Variants in PLCL1 observed in about 807,000 individuals in gnomAD.
PLCL1 encodes the protein phospholipase C like 1 (inactive), also known as inactive phospholipase C-like protein 1.
A neutral mutation model predicts 84.4 loss-of-function variants in PLCL1; 41 were observed. The observed-to-expected ratio is 0.49, with a 90% CI of 0.38 to 0.63. The LOEUF (loss-of-function observed/expected upper bound fraction) is 0.63. PLCL1 is among the 30% of genes least tolerant of loss of function. The probability of loss-of-function intolerance (pLI) is 0.00; values close to 1 mark genes in which losing one functional copy is unlikely to be tolerated. For missense variants in PLCL1, 1,206 were observed against 1,367.8 expected, an observed-to-expected ratio of 0.88 and a Z score of 1.87; for synonymous variants, 490 against 488.3, an observed-to-expected ratio of 1.00 and a Z score of -0.05.
intron 1 of PLCL1, among the ~76,000 whole-genome samples, chr2:197,844,659 T>C (rs1160719014): frequency 6.6e-6 from 1 of 152,140 alleles, no homozygotes; most frequent in Non-Finnish European, 1.5e-5. Context: ...GGATTTCTAA[T>C]ATGAGCTCTA....
intron 1 of PLCL1, among the ~76,000 whole-genome samples, chr2:198,074,819 T>G (rs1234504964): frequency 6.6e-6 from 1 of 152,238 alleles, no homozygotes; most frequent in African/African-American, 2.4e-5. Context: ...TCAGATAAAG[T>G]ATTTTAAGTA....
At chr2:197,890,287 A>C (rs1226329515) in intron 1 of PLCL1, among the ~76,000 whole-genome samples, 3 of 152,294 alleles carry the variant, frequency 2.0e-5, no homozygotes, top group African/African-American at 7.2e-5. Flanking sequence ...AAGGCTATTT[A>C]AATATTCGTA....
intron 1 of PLCL1, among the ~76,000 whole-genome samples, chr2:197,854,284 C>A (rs1687292760): frequency 1.3e-5 from 2 of 152,152 alleles, no homozygotes; most frequent in South Asian, 4.1e-4. Context: ...ATTAACTCTA[C>A]CTTTTCCCAA....
At chr2:198,088,388 T>C (rs1194267786) in intron 2 of PLCL1, among the ~76,000 whole-genome samples, 1 of 152,214 alleles carries the variant, frequency 6.6e-6, no homozygotes, top group Admixed American at 6.5e-5. Flanking sequence ...TGGACAAATG[T>C]AGCTCTACAT....
chr2:197,888,082 A>G (rs1687953346), intron 1 of PLCL1, among the ~76,000 whole-genome samples: 1 of 151,360 alleles, frequency 6.6e-6, no homozygotes, highest in Non-Finnish European at 1.5e-5. Flanking sequence ...ACAGTGAGAC[A>G]CTGTCTGAAA....
chr2:197,957,046 C>A (rs888484424), intron 1 of PLCL1, among the ~76,000 whole-genome samples: 1 of 152,010 alleles, frequency 6.6e-6, no homozygotes, highest in East Asian at 1.9e-4. Flanking sequence ...CCTTCATAGG[C>A]ATTTGCTTGT....
intron 1 of PLCL1, among the ~76,000 whole-genome samples, chr2:197,987,556 T>A (rs1371987930): frequency 6.6e-6 from 1 of 152,200 alleles, no homozygotes; most frequent in African/African-American, 2.4e-5. Flanking sequence ...TAGACTAGGA[T>A]ACTCATTTTG....
intron 1 of PLCL1, among the ~76,000 whole-genome samples, chr2:197,918,011 G>A: frequency 6.6e-6 from 1 of 152,154 alleles, no homozygotes; most frequent in East Asian, 1.9e-4. Flanking sequence ...GGAAAGGTGG[G>A]TTAAAGTAAC....
chr2:197,886,449 A>C (rs1180617719), intron 1 of PLCL1, among the ~76,000 whole-genome samples: 1 of 146,298 alleles, frequency 6.8e-6, no homozygotes, highest in Non-Finnish European at 1.5e-5. Flanking sequence ...AAAAAAAAAA[A>C]AAAGTAAAAT....
intron 1 of PLCL1, among the ~76,000 whole-genome samples, chr2:197,980,214 G>T (rs1359863187): frequency 6.6e-6 from 1 of 152,168 alleles, no homozygotes; most frequent in Non-Finnish European, 1.5e-5. Context: ...AGGAGCAGGC[G>T]AGGTGGGAAG....
chr2:198,146,725 G>A lies in PLCL1; in HGVS notation c.3106-55G>A, dbSNP rs1694525426. 6 of 1,456,016 alleles carry A rather than the reference G, an allele frequency of 4.1e-6. No individual in the cohort carries two copies. The Admixed American group carries it at 9.0e-5, about 22-fold the overall frequency. 90.2% of individuals were successfully genotyped at this position (1,456,016 alleles called of 1,614,324 possible). ...TAAGAACATAGAGTGATGTCACTCA[G>A]CACATGCCTGGCCCATAACTGTCTT... is the stretch of plus-strand genomic sequence containing the variant. On this transcript the variant is annotated intron_variant, in intron 5 of 5. Transcript: ENST00000428675.
intron 1 of PLCL1, among the ~76,000 whole-genome samples, chr2:197,816,274 T>C (rs1690686037): frequency 6.6e-6 from 1 of 152,170 alleles, no homozygotes; most frequent in Admixed American, 6.5e-5. Context: ...ATAATCATTA[T>C]GATTATGGCT....
chr2:198,014,179 G>A (rs1256962778), intron 1 of PLCL1, among the ~76,000 whole-genome samples: 1 of 152,138 alleles, frequency 6.6e-6, no homozygotes, highest in Non-Finnish European at 1.5e-5. Flanking sequence ...TGCTACACAT[G>A]AGGACATGCT....
intron 5 of PLCL1, among the ~76,000 whole-genome samples, chr2:198,138,960 A>G (rs1471127577): frequency 6.6e-6 from 1 of 152,124 alleles, no homozygotes; most frequent in Non-Finnish European, 1.5e-5. Context: ...GTTTGAGACC[A>G]GCCTGACTAA....
intron 1 of PLCL1, among the ~76,000 whole-genome samples, chr2:197,978,310 A>G (rs1459518647): frequency 6.6e-6 from 1 of 152,038 alleles, no homozygotes; most frequent in African/African-American, 2.4e-5. Flanking sequence ...CCCCGTCTCT[A>G]CTAAAAATAC....
At chr2:197,937,223 CTTTG>C (rs1446735090) in intron 1 of PLCL1, among the ~76,000 whole-genome samples, 2 of 152,094 alleles carry the variant, frequency 1.3e-5, no homozygotes, top group African/African-American at 4.8e-5. Context: ...GGGCTTCCAG[CTTTG>C]TTCTTTTTCA....
chr2:197,809,207 T>C (rs1005640115), intron 1 of PLCL1, among the ~76,000 whole-genome samples: 1 of 152,212 alleles, frequency 6.6e-6, no homozygotes. Context: ...ACTAGGAGCT[T>C]TCGTACGTTT....
chr2:197,934,343 TG>T (rs1297979228), intron 1 of PLCL1, among the ~76,000 whole-genome samples: 1 of 152,212 alleles, frequency 6.6e-6, no homozygotes, highest in Non-Finnish European at 1.5e-5. Context: ...CCACTTTCAT[TG>T]AGTTCATGGA....
intron 1 of PLCL1, among the ~76,000 whole-genome samples, chr2:197,813,378 G>A (rs1336752449): frequency 6.6e-6 from 1 of 152,112 alleles, no homozygotes; most frequent in African/African-American, 2.4e-5. Flanking sequence ...TGGAGGTGAG[G>A]GAGTTGGAGC....
Sources: allele counts gnomAD v4.1 joint callset (sites outside exome capture counted in the v4.1 genomes callset), GRCh38; gene constraint gnomAD v4.1.1; transcripts MANE v1.5; gene names NCBI Gene and HGNC (gene_info 2026-07-23, HGNC 2026-07-21).